The following KIF26B variants were observed in gnomAD, a reference collection of about 807,000 sequenced individuals.
The protein encoded by KIF26B is kinesin-like protein KIF26B.
Under a neutral mutation model 151.2 loss-of-function variants are expected in KIF26B, and 63 were observed. The observed-to-expected ratio is 0.42, with a 90% CI of 0.34 to 0.51. KIF26B has a LOEUF of 0.51. KIF26B is among the 20% of genes least tolerant of loss of function. The pLI is 0.07. For missense variants in KIF26B, 2,813 were observed against 2,913.6 expected (o/e 0.97, Z 0.79); for synonymous variants, 1,357 against 1,262.1 (o/e 1.08, Z -1.59).
chr1:245,338,624 C>T (rs1241854489), intron 2 of KIF26B, among the ~76,000 whole-genome samples: 3 of 152,212 alleles, frequency 2.0e-5, no homozygotes, highest in Non-Finnish European at 4.4e-5. Context: ...GTGAGCACCA[C>T]ATTCTCAGAC....
chr1:245,367,243 T>G lies in KIF26B; in HGVS notation c.875T>G (p.Leu292Arg). Residue 292 changes from leucine to arginine, a missense_variant, in exon 3 of 15, where the codon CTC becomes CGC. Physicochemically the swap from Leu to Arg is moderately radical, Grantham distance 102. Transcript: ENST00000407071. The surrounding 1 kb of genome is among the most constrained non-coding windows in gnomAD (Gnocchi z 4.2). Reference sequence around the variant, plus strand: ...CCAACCCACCAGGCCAAGGTCAGCCTCCAGATGGCCACCAGTCCAAGCAAT... The same window carrying G: ...CCAACCCACCAGGCCAAGGTCAGCCGCCAGATGGCCACCAGTCCAAGCAAT... ...GSPTHQAKVSLQMATSPSNGN... is the reference protein window; with the variant it reads ...GSPTHQAKVSRQMATSPSNGN... 1 of 1,608,286 alleles carries G rather than the reference T, an allele frequency of 6.2e-7. No homozygotes were observed.
At chr1:245,354,175 G>A (rs753143189) in intron 2 of KIF26B, among the ~76,000 whole-genome samples, 71 of 152,150 alleles carry the variant, frequency 4.7e-4, no homozygotes, top group Admixed American at 1.4e-3. Context: ...GTTTTATGAG[G>A]GAACAAAGCA....
At chr1:245,680,375 C>T (rs1400104173) in intron 10 of KIF26B, among the ~76,000 whole-genome samples, 2 of 152,124 alleles carry the variant, frequency 1.3e-5, no homozygotes, top group African/African-American at 4.8e-5. Context: ...GCTAAAATGC[C>T]GGTTGCTAAG....
intron 4 of KIF26B, among the ~76,000 whole-genome samples, chr1:245,477,968 T>C (rs530308470): frequency 6.6e-6 from 1 of 151,862 alleles, no homozygotes; most frequent in East Asian, 1.9e-4. Context: ...AAATAAACTT[T>C]ATACCATAAA....
chr1:245,574,935 G>A (rs1429216519), intron 5 of KIF26B, among the ~76,000 whole-genome samples: 1 of 148,740 alleles, frequency 6.7e-6, no homozygotes, highest in African/African-American at 2.5e-5. Context: ...CGCGATCTCG[G>A]CTCACTGCAA....
In KIF26B at chr1:245,647,646, C is replaced by T. The variant is rs191507181; in HGVS notation, c.2258+1366C>T. Among the ~76,000 whole-genome samples the T allele has an allele frequency of 8.5e-5, 13 of 152,182 alleles. No homozygotes were observed. In the East Asian group the frequency reaches 1.4e-3, roughly 16 times the overall value. ...ATCTGTAAAAACCCTACAAAACCTA[C>T]GTTGCTGTTGTGTAGGAGGAAAAAG... On this transcript the variant is annotated intron_variant, in intron 10 of 14. Transcript: ENST00000407071.
At chr1:245,365,513 TC>T (rs528122828) in intron 2 of KIF26B, among the ~76,000 whole-genome samples, 2 of 137,244 alleles carry the variant, frequency 1.5e-5, no homozygotes, top group African/African-American at 6.3e-5. Context: ...GCCTCACAAC[TC>T]CCCCCCACCA....
chr1:245,541,758 G>A (rs545821043), intron 5 of KIF26B, among the ~76,000 whole-genome samples: 7 of 151,974 alleles, frequency 4.6e-5, no homozygotes, highest in East Asian at 1.9e-4. Flanking sequence ...TTTGGCCGCC[G>A]TTGCTAGTCT....
At chr1:245,640,143 C>CTCTCTCTATATATATATATATATATA in intron 9 of KIF26B, among the ~76,000 whole-genome samples, 1 of 31,934 alleles carries the variant, frequency 3.1e-5, no homozygotes, top group African/African-American at 1.4e-4. Context: ...CTCTCTCTCT[C>CTCTCTCTATATATATATATATATATA]TATATATATA....
chr1:245,611,207 G>A (rs1199040436), intron 8 of KIF26B, among the ~76,000 whole-genome samples: 1 of 152,094 alleles, frequency 6.6e-6, no homozygotes, highest in Non-Finnish European at 1.5e-5. Context: ...AGTGTTTGAG[G>A]GTGCCCTTTA....
rs1168960652 is a variant in KIF26B at position 245,611,994 on chromosome 1, C to A, written c.2098+18C>A. The A allele has an allele frequency of 6.2e-7, 1 of 1,608,736 alleles. No homozygotes were observed. Among genetic ancestry groups the A allele is most frequent in the African/African-American group, 1.3e-5 (1 of 74,796 alleles). On this transcript the variant is annotated intron_variant, in intron 9 of 14. Transcript: ENST00000407071. ...AGGGGGAAGTAAGTCGGCCACTCCA[C>A]CCTCCTGCCTCCTTAGCGGCTCTGG...
intron 2 of KIF26B, among the ~76,000 whole-genome samples, chr1:245,249,979 T>C (rs778186061): frequency 1.3e-5 from 2 of 152,192 alleles, no homozygotes; most frequent in Non-Finnish European, 2.9e-5. Context: ...AAAATTATCC[T>C]CCAAATATCT....
rs960754455 is a variant in KIF26B, at chr1:245,503,431, T to G, written c.1167-37336T>G. Among the ~76,000 whole-genome samples, 46 of 152,190 alleles carry G rather than the reference T, an allele frequency of 3.0e-4. 1 individual carries two copies. The highest frequency in any genetic ancestry group is 2.9e-5 in the Non-Finnish European group (2 of 68,036). On this transcript the variant is annotated intron_variant, in intron 4 of 14. Coordinates refer to ENST00000407071, the MANE Select transcript of KIF26B (RefSeq NM_018012.4). The stretch of plus-strand genomic sequence containing the variant: ...CATGTCCCAAATTCACCATTTACAT[T>G]CTTGAAAGTACTTCCTTTGTTCCAT...
rs753269713 is a variant in KIF26B at position 245,367,456 on chromosome 1, G to A, written c.999+89G>A. 4.7e-5 allele frequency: 57 copies of A among 1,224,092 alleles called. No homozygotes were observed. The highest frequency in any genetic ancestry group is 2.4e-4 in the South Asian group (16 of 67,348). The allele number at this position is 1,224,092 out of a possible 1,614,324, so 75.8% of individuals were successfully genotyped here. Reference sequence around the variant, plus strand: ...GCACTTCCTTCCGCTGCCTCCTCCCGGGAACCCTGTAACTCAGAGCCCAGT... The same window carrying A: ...GCACTTCCTTCCGCTGCCTCCTCCCAGGAACCCTGTAACTCAGAGCCCAGT... On this transcript the variant is annotated intron_variant, in intron 3 of 14. Transcript: ENST00000407071. The surrounding 1 kb of genome is among the most constrained non-coding windows in gnomAD (Gnocchi z 4.2).
At chr1:245,316,401 G>C (rs534756429) in intron 2 of KIF26B, among the ~76,000 whole-genome samples, 87 of 152,186 alleles carry the variant, frequency 5.7e-4, no homozygotes, top group African/African-American at 2.0e-3. Flanking sequence ...TGGGATTACA[G>C]GCATGAGCCA....
At chr1:245,458,961 G>C (rs556963271) in intron 4 of KIF26B, among the ~76,000 whole-genome samples, 1 of 152,190 alleles carries the variant, frequency 6.6e-6, no homozygotes, top group African/African-American at 2.4e-5. Flanking sequence ...GTTATTACTT[G>C]CATCAATGTT....
intron 3 of KIF26B, among the ~76,000 whole-genome samples, chr1:245,386,936 C>T (rs1000907934): frequency 1.4e-4 from 21 of 152,186 alleles, no homozygotes; most frequent in African/African-American, 4.6e-4. Flanking sequence ...TGTTTGGTGA[C>T]GCAGGTCACA....
intron 2 of KIF26B, among the ~76,000 whole-genome samples, chr1:245,174,266 T>C (rs1035192008): frequency 6.6e-6 from 1 of 152,216 alleles, no homozygotes; most frequent in East Asian, 1.9e-4. Context: ...TATATTTATA[T>C]GGCTGCGTTC....
At chr1:245,360,264 A>G (rs1022426747) in intron 2 of KIF26B, among the ~76,000 whole-genome samples, 1 of 152,100 alleles carries the variant, frequency 6.6e-6, no homozygotes, top group Non-Finnish European at 1.5e-5. Flanking sequence ...CTTAATTGCA[A>G]AAGCGCCAAA....
Sources: allele counts gnomAD v4.1 joint callset (sites outside exome capture counted in the v4.1 genomes callset), GRCh38; gene constraint gnomAD v4.1.1; non-coding constraint Gnocchi (gnomAD v3.1); transcripts MANE v1.5; gene names NCBI Gene and HGNC (gene_info 2026-07-23, HGNC 2026-07-21).